SSH2: variants seen among roughly 807,000 people sequenced by gnomAD.
SSH2 encodes slingshot protein phosphatase 2.
A neutral mutation model predicts 135.2 loss-of-function variants in SSH2; 37 were observed. The observed-to-expected ratio is 0.27, with a 90% CI of 0.21 to 0.36. The LOEUF is 0.36. Ranked by LOEUF, SSH2 falls within the 10% of genes least tolerant of loss-of-function variation. The pLI, the probability that SSH2 is intolerant of heterozygous loss-of-function variation, is 1.00. For missense variants in SSH2, 1,408 were observed against 1,765.3 expected (o/e 0.80, Z 3.63); for synonymous variants, 628 against 646.2 (o/e 0.97, Z 0.43).
chr17:29,694,744 A>T (rs970035373), intron 5 of SSH2, among the ~76,000 whole-genome samples: 13 of 152,090 alleles, frequency 8.5e-5, no homozygotes, highest in South Asian at 2.1e-4. Flanking sequence ...ATGTTTTTTT[A>T]AAAAAACACT....
intron 2 of SSH2, among the ~76,000 whole-genome samples, chr17:29,819,331 C>T (rs116070880): frequency 6.6e-6 from 1 of 152,260 alleles, no homozygotes; most frequent in African/African-American, 2.4e-5. Flanking sequence ...GCCTAATTTC[C>T]TAAGAAGCAT....
At chr17:29,673,817 A>G (rs1236133709) in intron 8 of SSH2, 2 of 314,488 alleles carry the variant, frequency 6.4e-6, no homozygotes, top group Admixed American at 4.1e-5. Context: ...ACAGCCTATC[A>G]TCAACATCTT....
chr17:29,660,002 T>G (rs2036961614), intron 11 of SSH2, among the ~76,000 whole-genome samples: 1 of 149,498 alleles, frequency 6.7e-6, no homozygotes, highest in Non-Finnish European at 1.5e-5. Context: ...AGCTAATTTT[T>G]GTATTTTTAG....
chr17:29,741,969 C>T (rs2040575154), intron 3 of SSH2, among the ~76,000 whole-genome samples: 2 of 111,428 alleles, frequency 1.8e-5, no homozygotes, highest in Admixed American at 2.2e-4. Context: ...GAGTCTTGCT[C>T]TGTTGACCAG....
chr17:29,880,865 A>G (rs1304405392), intron 1 of SSH2, among the ~76,000 whole-genome samples: 2 of 152,216 alleles, frequency 1.3e-5, no homozygotes, highest in Non-Finnish European at 2.9e-5. Context: ...GAATTTGCTC[A>G]TGGTTACAAA....
At chr17:29,643,698 T>C (rs2036258860) in intron 14 of SSH2, among the ~76,000 whole-genome samples, 2 of 152,206 alleles carry the variant, frequency 1.3e-5, no homozygotes, top group South Asian at 4.1e-4. Flanking sequence ...TTAGCCATGT[T>C]GGCCAGGCTG....
chr17:29,870,935 T>C (rs1300967896), intron 1 of SSH2, among the ~76,000 whole-genome samples: 1 of 152,212 alleles, frequency 6.6e-6, no homozygotes, highest in Non-Finnish European at 1.5e-5. Context: ...AATGGAATCT[T>C]TCATGAGTAA....
At chr17:29,911,281 T>C (rs1019413527) in intron 1 of SSH2, among the ~76,000 whole-genome samples, 7 of 113,272 alleles carry the variant, frequency 6.2e-5, no homozygotes, top group Admixed American at 3.9e-4. Context: ...TGGAAGAAAC[T>C]GTGCCCCTCA....
In SSH2 at chr17:29,709,253, C is replaced by G. The variant is rs528239980; in HGVS notation, c.189-6191G>C. Among the ~76,000 whole-genome samples the G allele has an allele frequency of 7.2e-5, 11 of 152,096 alleles. No individual in the cohort carries two copies. The South Asian group carries it at 2.1e-3, about 29-fold the overall frequency. On this transcript the variant is annotated intron_variant, in intron 3 of 15. Coordinates refer to ENST00000540801, the MANE Select transcript of SSH2 (RefSeq NM_001282129.2). ...TAAGCCTCAGAGCAAGGATTCAAAC[C>G]AAGATTTGACTTGAAAGCTTATGCT...
chr17:29,812,724 A>C (rs536556778), intron 2 of SSH2, among the ~76,000 whole-genome samples: 1 of 152,192 alleles, frequency 6.6e-6, no homozygotes, highest in East Asian at 1.9e-4. Flanking sequence ...CCCCGTCTCT[A>C]CTAAAAATAT....
At chr17:29,808,490 A>T (rs2467334) in intron 2 of SSH2, among the ~76,000 whole-genome samples, 1 of 151,988 alleles carries the variant, frequency 6.6e-6, no homozygotes, top group Non-Finnish European at 1.5e-5. Context: ...AGTCTGGCTC[A>T]GCTGACAGCC....
At chr17:29,929,436 A>C (rs979420421) in intron 1 of SSH2, 2 of 188,334 alleles carry the variant, frequency 1.1e-5, no homozygotes, top group African/African-American at 4.7e-5. Flanking sequence ...TGAACAGTAC[A>C]GAGCAAAAGA....
intron 1 of SSH2, among the ~76,000 whole-genome samples, chr17:29,924,073 T>A (rs1332495760): frequency 1.3e-5 from 2 of 152,248 alleles, no homozygotes; most frequent in Non-Finnish European, 2.9e-5. Context: ...TCTTTTTTTA[T>A]CTTTTCTGTA....
At chr17:29,888,931 C>CAAAAAAAAAA (rs1175371440) in intron 1 of SSH2, among the ~76,000 whole-genome samples, 15 of 42,078 alleles carry the variant, frequency 3.6e-4, no homozygotes, top group South Asian at 1.1e-3. Context: ...GACACTATCT[C>CAAAAAAAAAA]AAAAAAAAAA....
At chr17:29,881,977 G>GA (rs1361296474) in intron 1 of SSH2, among the ~76,000 whole-genome samples, 1 of 152,136 alleles carries the variant, frequency 6.6e-6, no homozygotes, top group Non-Finnish European at 1.5e-5. Flanking sequence ...TTCAATTGAG[G>GA]AAAAAACTGC....
intron 7 of SSH2, 151 bp downstream of exon 7, chr17:29,677,522 T>C (rs2037778796): frequency 1.5e-6 from 1 of 687,400 alleles, no homozygotes; most frequent in South Asian, 1.7e-5. Context: ...TACTCCACTT[T>C]ACAAAACAGG....
At chr17:29,716,413 C>T (rs1033387307) in intron 3 of SSH2, 3 of 612,564 alleles carry the variant, frequency 4.9e-6, no homozygotes, top group African/African-American at 3.7e-5. Flanking sequence ...TTAATGTGCT[C>T]AATACACACA....
At chr17:29,700,351 G>A (rs919756114) in intron 4 of SSH2, among the ~76,000 whole-genome samples, 24 of 152,250 alleles carry the variant, frequency 1.6e-4, no homozygotes, top group Non-Finnish European at 8.8e-5. Flanking sequence ...CAGTAGAAGA[G>A]AAGCATTAGG....
At chr17:29,650,055 T>A (rs2036529664) in intron 13 of SSH2, among the ~76,000 whole-genome samples, 1 of 152,142 alleles carries the variant, frequency 6.6e-6, no homozygotes, top group Admixed American at 6.5e-5. Flanking sequence ...AAGGAATAAA[T>A]AGGATTGGCA....
Sources: gnomAD v4.1 joint callset for allele counts (sites outside exome capture counted in the v4.1 genomes callset) on GRCh38, gnomAD v4.1.1 for gene constraint, MANE v1.5 for transcripts, NCBI Gene and HGNC (gene_info 2026-07-23, HGNC 2026-07-21) for gene names.